The following RBL2 variants were observed in gnomAD, a reference collection of about 807,000 sequenced individuals.
The protein encoded by RBL2 is retinoblastoma-like protein 2.
Under a neutral mutation model 126.0 loss-of-function variants are expected in RBL2, and 56 were observed. That is an observed-to-expected ratio of 0.44 (90% CI 0.36 to 0.56). The LOEUF is 0.56. Among genes scored for constraint, RBL2 ranks in the 20% least tolerant of loss-of-function variants. The probability of loss-of-function intolerance (pLI) is 0.00; values close to 1 mark genes in which losing one functional copy is unlikely to be tolerated. For synonymous variants in RBL2, 454 were observed against 478.5 expected (o/e 0.95, Z 0.67); for missense variants, 1,229 against 1,398.2 (o/e 0.88, Z 1.93).
At chr16:53,464,480 T>C in intron 12 of RBL2, 117 bp downstream of exon 12, 1 of 889,038 alleles carries the variant, frequency 1.1e-6, no homozygotes, top group Non-Finnish European at 1.6e-6. Flanking sequence ...ATTTACATAG[T>C]TAATCTCTAT....
chr16:53,456,476 A>G (rs1195462628), intron 8 of RBL2, among the ~76,000 whole-genome samples: 2 of 152,136 alleles, frequency 1.3e-5, no homozygotes, highest in African/African-American at 2.4e-5. Context: ...TATTTTGGAG[A>G]TGGCACCCAC....
At chr16:53,481,583 T>C in intron 20 of RBL2, 88 bp from the exon 21 acceptor site, 1 of 1,209,668 alleles carries the variant, frequency 8.3e-7, no homozygotes, top group South Asian at 1.6e-5. Context: ...ACTACTGGTT[T>C]AGCACACCTC....
At chr16:53,487,777 A>G (rs908543223) in intron 21 of RBL2, 1 of 152,270 alleles carries the variant, frequency 6.6e-6, no homozygotes, top group Admixed American at 6.5e-5. Flanking sequence ...CACGTTCCAT[A>G]TCTGATGAAG....
intron 21 of RBL2, 120 bp downstream of exon 21, chr16:53,481,955 C>A (rs1463188363): frequency 1.7e-6 from 2 of 1,200,328 alleles, no homozygotes; most frequent in African/African-American, 1.5e-5. Flanking sequence ...GAGCAGTGAT[C>A]AGTCAGTCCT....
chr16:53,446,094 G>C (rs1443321278), intron 3 of RBL2, among the ~76,000 whole-genome samples: 1 of 152,058 alleles, frequency 6.6e-6, no homozygotes, highest in Admixed American at 6.5e-5. Context: ...TTTTTTTCTA[G>C]AATTCTCAAG....
At chr16:53,435,526 G>A (rs968155142) in intron 1 of RBL2, 12 of 1,174,512 alleles carry the variant, frequency 1.0e-5, no homozygotes, top group Non-Finnish European at 1.3e-5. Flanking sequence ...AGGGCTTGCA[G>A]ATGAGAAAAA....
intron 10 of RBL2, 105 bp from the exon 11 acceptor site, chr16:53,462,447 T>G: frequency 1.6e-6 from 1 of 623,632 alleles, no homozygotes; most frequent in Non-Finnish European, 2.7e-6. Flanking sequence ...ATCTAAAGTA[T>G]TGGGTTGGTT....
intron 8 of RBL2, 31 bp downstream of exon 8, chr16:53,454,873 T>TA (rs1482244991): frequency 6.5e-7 from 1 of 1,534,730 alleles, no homozygotes; most frequent in Admixed American, 2.0e-5. Context: ...AGAGTAGAAA[T>TA]ACAGGAGCAG....
chr16:53,481,649 C>T (rs1333507033), intron 20 of RBL2, 22 bp from the exon 21 acceptor site: 1 of 1,501,960 alleles, frequency 6.7e-7, no homozygotes, highest in African/African-American at 1.4e-5. Flanking sequence ...CTTAGAATTA[C>T]TGATTTTTTT....
chr16:53,477,057 TTGTGTGTG>T lies in RBL2; in HGVS notation c.2704-2079_2704-2072del, dbSNP rs36075761. On this transcript the variant is annotated intron_variant, in intron 17 of 21. Coordinates refer to ENST00000262133, the MANE Select transcript of RBL2 (RefSeq NM_005611.4). ...TTAACGTCAGTACTTTGGTTTCATTTTGTGTGTGTGTGTGTGTGTGTGTGTAGTGGTTG... is the reference window on the plus strand; with the variant it reads ...TTAACGTCAGTACTTTGGTTTCATTTTGTGTGTGTGTGTGTGTAGTGGTTG... Among the ~76,000 whole-genome samples the T allele has an allele frequency of 8.5e-3, 1,280 of 151,050 alleles. 22 individuals carry two copies. The highest frequency in any genetic ancestry group is 0.029 in the African/African-American group (1,192 of 41,236).
chr16:53,457,258 C>CCTTTTTTTTTTT lies in RBL2; in HGVS notation c.1180-2193_1180-2192insCTTTTTTTTTTT, dbSNP rs1555566426. 5.8e-3 allele frequency among the ~76,000 whole-genome samples: 523 copies of CCTTTTTTTTTTT among 89,840 alleles called. 83 individuals carry two copies. The highest frequency in any genetic ancestry group is 0.016 in the African/African-American group (264 of 16,700). 58.9% of individuals were successfully genotyped at this position (89,840 alleles called of 152,430 possible). A position where few individuals can be genotyped will look rare whatever the true frequency, so the allele number is the denominator to read the frequency against. ...GGGTCATCAGGGTGGGTACAGATAG[C>CCTTTTTTTTTTT]TTTTTTTTTTTTTTTTTTTGAGATG... is the stretch of plus-strand genomic sequence containing the variant. On this transcript the variant is annotated intron_variant, in intron 8 of 21. Transcript: ENST00000262133.
In RBL2 at chr16:53,490,281, A is replaced by G. The variant is rs1179544914; in HGVS notation, c.3401A>G (p.Asn1134Ser). Residue 1134 changes from asparagine to serine, a missense_variant, in exon 22 of 22, where the codon AAT becomes AGT. Asn to Ser is a conservative substitution (Grantham distance 46, BLOSUM62 1). Transcript: ENST00000262133. ...TTACGCCGTCTCCAAGATGTAGCTAATGACCGTGGTTCCCACTGAGGTTAG... is the reference window on the plus strand; with the variant it reads ...TTACGCCGTCTCCAAGATGTAGCTAGTGACCGTGGTTCCCACTGAGGTTAG... ...ALLRRLQDVA[N>S]DRGSH The G allele has an allele frequency of 6.2e-7, 1 of 1,609,642 alleles. No homozygotes were observed. The highest frequency in any genetic ancestry group is 2.2e-5 in the East Asian group (1 of 44,730).
chr16:53,483,266 G>T (rs1342441310), intron 21 of RBL2, among the ~76,000 whole-genome samples: 1 of 152,192 alleles, frequency 6.6e-6, no homozygotes, highest in East Asian at 1.9e-4. Flanking sequence ...CTTTTAAAAA[G>T]TTGAGGAAAA....
chr16:53,480,100 G>T, intron 19 of RBL2, 109 bp downstream of exon 19: 1 of 748,810 alleles, frequency 1.3e-6, no homozygotes, highest in Non-Finnish European at 2.2e-6. Context: ...TAGAAACTAT[G>T]AAAGTGTTTT....
intron 21 of RBL2, among the ~76,000 whole-genome samples, chr16:53,486,032 T>A (rs1342564444): frequency 6.6e-6 from 1 of 151,328 alleles, no homozygotes; most frequent in Non-Finnish European, 1.5e-5. Flanking sequence ...GGCTCATGCC[T>A]GTAATCCCAG....
In RBL2 at chr16:53,439,485, ATAT is replaced by A. The variant is rs1378788581; in HGVS notation, c.371+344_371+346del. Among the ~76,000 whole-genome samples, 4 of 152,346 alleles carry A rather than the reference ATAT, an allele frequency of 2.6e-5. No individual in the cohort carries two copies. The South Asian group carries it at 8.3e-4, about 32-fold the overall frequency. On this transcript the variant is annotated intron_variant, in intron 2 of 21. Coordinates refer to ENST00000262133, the MANE Select transcript of RBL2 (RefSeq NM_005611.4). ...ACTCCAAGTTGAAAAGGTAAATAAA[ATAT>A]TATTTGCTATTATACTTAGAAATAT...
chr16:53,467,265 G>C, intron 14 of RBL2, 96 bp downstream of exon 14: 1 of 972,722 alleles, frequency 1.0e-6, no homozygotes. Context: ...GGTATACATA[G>C]AAGAAAATAT....
At chr16:53,460,330 G>T (rs1357001089) in intron 9 of RBL2, among the ~76,000 whole-genome samples, 1 of 152,194 alleles carries the variant, frequency 6.6e-6, no homozygotes, top group African/African-American at 2.4e-5. Flanking sequence ...ATATCAAGAA[G>T]ACCCTATATG....
chr16:53,438,239 T>G (rs1598084454), intron 1 of RBL2, among the ~76,000 whole-genome samples: 1 of 152,000 alleles, frequency 6.6e-6, no homozygotes, highest in African/African-American at 2.4e-5. Flanking sequence ...AACTAGGTAC[T>G]GGCACAGCTG....
Sources: gnomAD v4.1 joint callset for allele counts (sites outside exome capture counted in the v4.1 genomes callset) on GRCh38, gnomAD v4.1.1 for gene constraint, MANE v1.5 for transcripts, NCBI Gene and HGNC (gene_info 2026-07-23, HGNC 2026-07-21) for gene names.